Variants in CAST observed in about 807,000 individuals in gnomAD.
CAST encodes the protein calpastatin, also known as MIR583 host.
Under a neutral mutation model 119.6 loss-of-function variants are expected in CAST, and 76 were observed. That is an observed-to-expected ratio of 0.64 (90% CI 0.53 to 0.77). The LOEUF is 0.77. Ranked by LOEUF, CAST falls within the 30% of genes least tolerant of loss-of-function variation. The pLI, the probability that CAST is intolerant of heterozygous loss-of-function variation, is 0.00. For synonymous variants in CAST, 319 were observed against 331.6 expected, an observed-to-expected ratio of 0.96 and a Z score of 0.41; for missense variants, 953 against 946.5, an observed-to-expected ratio of 1.01 and a Z score of -0.09.
the CAST span, among the ~76,000 whole-genome samples, chr5:96,455,904 G>T: frequency 6.6e-6 from 1 of 152,100 alleles, no homozygotes. Context: ...GGCAAATGCT[G>T]CATCTATTTA....
chr5:96,590,589 T>C (rs1318940041), intron 1 of CAST, among the ~76,000 whole-genome samples: 1 of 152,206 alleles, frequency 6.6e-6, no homozygotes, highest in Non-Finnish European at 1.5e-5. Flanking sequence ...AAAGCGCTGC[T>C]GTGATAAATT....
chr5:96,368,601 G>A, the CAST span, among the ~76,000 whole-genome samples: 1 of 151,780 alleles, frequency 6.6e-6, no homozygotes, highest in Non-Finnish European at 1.5e-5. Context: ...CTTCTGATTC[G>A]CTCCAGTAGG....
intron 27 of CAST, 31 bp from the exon 28 acceptor site, chr5:96,767,407 T>C (rs373556002): frequency 5.7e-6 from 9 of 1,587,894 alleles, no homozygotes; most frequent in Non-Finnish European, 7.8e-6. Flanking sequence ...CAGATATCTA[T>C]GCTTAACCAA....
At chr5:95,999,261 G>C in the CAST span, among the ~76,000 whole-genome samples, 1 of 151,802 alleles carries the variant, frequency 6.6e-6, no homozygotes, top group African/African-American at 2.4e-5. Flanking sequence ...GGCTTGTTTT[G>C]CCTTGCATAA....
the CAST span, chr5:95,961,758 C>T: frequency 6.4e-7 from 1 of 1,563,928 alleles, no homozygotes; most frequent in Non-Finnish European, 8.6e-7. Context: ...GCCGCCGCTC[C>T]GGCTCTAGCC....
intron 1 of CAST, among the ~76,000 whole-genome samples, chr5:96,550,819 G>A (rs1176193479): frequency 1.3e-5 from 2 of 152,160 alleles, no homozygotes; most frequent in South Asian, 2.1e-4. Context: ...GGATATCAGT[G>A]ATTGAATATC....
the CAST span, chr5:96,394,762 A>G: frequency 1.3e-5 from 13 of 987,608 alleles, no homozygotes; most frequent in African/African-American, 1.3e-4. Flanking sequence ...CTCCCCATCC[A>G]TGTTTGACTT....
At chr5:96,201,891 C>T in the CAST span, among the ~76,000 whole-genome samples, 2,178 of 151,920 alleles carry the variant, frequency 0.014, 37 homozygotes, top group South Asian at 0.082. Context: ...TTAGACAAAT[C>T]CAACTTTAAG....
the CAST span, among the ~76,000 whole-genome samples, chr5:96,353,729 C>T: frequency 9.3e-4 from 141 of 152,336 alleles, 1 homozygote; most frequent in African/African-American, 3.2e-3. Context: ...CTATTCTTCT[C>T]CTTCCCCTAC....
chr5:96,104,556 G>T, the CAST span, among the ~76,000 whole-genome samples: 1 of 151,770 alleles, frequency 6.6e-6, no homozygotes, highest in African/African-American at 2.4e-5. Flanking sequence ...GATATGCGGC[G>T]TTATTTCTGA....
At chr5:96,291,973 T>C in the CAST span, among the ~76,000 whole-genome samples, 2 of 151,986 alleles carry the variant, frequency 1.3e-5, no homozygotes, top group African/African-American at 2.4e-5. Flanking sequence ...TATTTTCTAC[T>C]TAAGTTCTTA....
chr5:96,615,901 A>AAGC (rs1410098910), intron 1 of CAST, among the ~76,000 whole-genome samples: 1 of 152,168 alleles, frequency 6.6e-6, no homozygotes, highest in Admixed American at 6.5e-5. Flanking sequence ...GGCCATCTGC[A>AAGC]AGCTGAGGAG....
chr5:96,229,547 A>T, the CAST span, among the ~76,000 whole-genome samples: 1 of 152,154 alleles, frequency 6.6e-6, no homozygotes, highest in Non-Finnish European at 1.5e-5. Flanking sequence ...CGATAGCCAC[A>T]ACAGTACTGC....
chr5:96,395,046 C>A, the CAST span: 1 of 1,569,722 alleles, frequency 6.4e-7, no homozygotes, highest in Admixed American at 1.7e-5. Context: ...AGCATACCTA[C>A]ATTTAGTATG....
chr5:96,439,618 G>C, the CAST span, among the ~76,000 whole-genome samples: 1 of 152,148 alleles, frequency 6.6e-6, no homozygotes, highest in Non-Finnish European at 1.5e-5. Flanking sequence ...GAGACTGAGG[G>C]TGTTTTCCCC....
the CAST span, among the ~76,000 whole-genome samples, chr5:96,052,029 T>G: frequency 0.01 from 1,562 of 152,274 alleles, 32 homozygotes; most frequent in African/African-American, 0.036. Flanking sequence ...GGGCGAGGGA[T>G]AGAGAAGACA....
At chr5:95,979,995 G>A in the CAST span, among the ~76,000 whole-genome samples, 15 of 152,054 alleles carry the variant, frequency 9.9e-5, no homozygotes, top group Non-Finnish European at 2.1e-4. Context: ...GTGGGCACCT[G>A]TAATCCCAGC....
the CAST span, among the ~76,000 whole-genome samples, chr5:96,067,897 C>T: frequency 1.3e-5 from 2 of 151,824 alleles, no homozygotes; most frequent in Non-Finnish European, 2.9e-5. Context: ...CTTGCTTACA[C>T]AGTTCCTGTA....
At chr5:96,627,305 A>G (rs887473232) in intron 1 of CAST, among the ~76,000 whole-genome samples, 1 of 152,220 alleles carries the variant, frequency 6.6e-6, no homozygotes, top group Non-Finnish European at 1.5e-5. Context: ...AGTTTTTGAG[A>G]AAGTGTCTAC....
Sources: allele counts gnomAD v4.1 joint callset (sites outside exome capture counted in the v4.1 genomes callset), GRCh38; gene constraint gnomAD v4.1.1; transcripts MANE v1.5; gene names NCBI Gene and HGNC (gene_info 2026-07-23, HGNC 2026-07-21).